SESTD1: variants seen among roughly 807,000 people sequenced by gnomAD.
SESTD1 encodes the protein SEC14 and spectrin domain containing 1.
Under a neutral mutation model 101.7 loss-of-function variants are expected in SESTD1, and 43 were observed. That is an observed-to-expected ratio of 0.42 (90% confidence interval 0.33 to 0.55). The LOEUF is 0.55. Among genes scored for constraint, SESTD1 ranks in the 20% least tolerant of loss-of-function variants. The pLI, the probability that SESTD1 is intolerant of heterozygous loss-of-function variation, is 0.07. For missense variants in SESTD1, 647 were observed against 815.1 expected (o/e 0.79, Z 2.51); for synonymous variants, 283 against 286.8 (o/e 0.99, Z 0.13).
At chr2:179,262,423 G>A (rs906486100) in intron 1 of SESTD1, among the ~76,000 whole-genome samples, 2 of 152,018 alleles carry the variant, frequency 1.3e-5, no homozygotes, top group African/African-American at 4.8e-5. Context: ...GACAAAGTCT[G>A]GCTGTCACCC....
chr2:179,186,658 G>A (rs1269420646), intron 2 of SESTD1, among the ~76,000 whole-genome samples: 1 of 150,318 alleles, frequency 6.7e-6, no homozygotes, highest in African/African-American at 2.4e-5. Flanking sequence ...AACAGGATAA[G>A]TATCAGAAGA....
chr2:179,227,457 A>G (rs560715339), intron 1 of SESTD1, among the ~76,000 whole-genome samples: 1 of 152,328 alleles, frequency 6.6e-6, no homozygotes, highest in African/African-American at 2.4e-5. Context: ...ACAGTCAAAA[A>G]TAAGAGTTTT....
At chr2:179,127,377 T>C (rs1168709039) in intron 10 of SESTD1, among the ~76,000 whole-genome samples, 7 of 152,236 alleles carry the variant, frequency 4.6e-5, no homozygotes, top group Non-Finnish European at 7.3e-5. Context: ...GTAAATTCCA[T>C]ATAGTAAGAC....
rs772909293 is a variant in SESTD1, at chr2:179,116,805, A to G, written c.1525-15T>C. On this transcript the variant is annotated splice_polypyrimidine_tract_variant and intron_variant, in intron 14 of 17. Coordinates refer to ENST00000428443, the MANE Select transcript of SESTD1 (RefSeq NM_178123.5). ...CATTCTACTGCCTAAACAAAAAGACATAACAATGAAGCTGGATTCAGAACT... is the reference window on the plus strand; with the variant it reads ...CATTCTACTGCCTAAACAAAAAGACGTAACAATGAAGCTGGATTCAGAACT... The G allele has an allele frequency of 1.4e-5, 23 of 1,610,388 alleles. No homozygotes were observed. The highest frequency in any genetic ancestry group is 3.3e-5 in the South Asian group (3 of 90,880).
At chr2:179,198,409 C>T (rs888650847) in intron 1 of SESTD1, among the ~76,000 whole-genome samples, 2 of 152,194 alleles carry the variant, frequency 1.3e-5, no homozygotes, top group East Asian at 1.9e-4. Flanking sequence ...CACAGAAAGC[C>T]AACAAGGATA....
At chr2:179,241,011 GCAAA>G (rs1290473884) in intron 1 of SESTD1, among the ~76,000 whole-genome samples, 1 of 151,944 alleles carries the variant, frequency 6.6e-6, no homozygotes, top group East Asian at 1.9e-4. Flanking sequence ...GACAATCTTG[GCAAA>G]CAAACAGAAA....
intron 10 of SESTD1, among the ~76,000 whole-genome samples, chr2:179,129,565 T>C (rs1366741483): frequency 6.6e-6 from 1 of 152,200 alleles, no homozygotes; most frequent in African/African-American, 2.4e-5. Context: ...ATTTAATATA[T>C]GACATAAAAT....
rs183816435 is a variant in SESTD1, at chr2:179,182,997, A to G, written c.164+83T>C. 1.2e-4 allele frequency: 104 copies of G among 904,344 alleles called. No individual in the cohort carries two copies. In the African/African-American group the frequency reaches 1.6e-3, roughly 14 times the overall value. The allele number at this position is 904,344 out of a possible 1,614,324, so 56.0% of individuals were successfully genotyped here. A position where few individuals can be genotyped will look rare whatever the true frequency, so the allele number is the denominator to read the frequency against. On this transcript the variant is annotated intron_variant, in intron 3 of 17. Transcript: ENST00000428443. ...GCGAATAAAAGCAGATAAGATAGCA[A>G]AGTATAATTCAACAATAGAAAGAAT...
At chr2:179,122,962 A>T (rs187100545) in intron 12 of SESTD1, among the ~76,000 whole-genome samples, 1 of 152,170 alleles carries the variant, frequency 6.6e-6, no homozygotes, top group African/African-American at 2.4e-5. Context: ...TTTCAAACCA[A>T]TTCCCTAAGG....
intron 2 of SESTD1, among the ~76,000 whole-genome samples, chr2:179,189,288 T>C (rs1022276162): frequency 2.0e-5 from 3 of 152,178 alleles, no homozygotes; most frequent in African/African-American, 7.2e-5. Context: ...AATCAATAAA[T>C]GTGAGTCACC....
At chr2:179,137,618 A>G (rs571326541) in intron 9 of SESTD1, among the ~76,000 whole-genome samples, 47 of 152,334 alleles carry the variant, frequency 3.1e-4, no homozygotes, top group Admixed American at 2.0e-3. Flanking sequence ...TGTGAAATCT[A>G]ATTTTTAACT....
chr2:179,209,972 C>T (rs1189123359), intron 1 of SESTD1, among the ~76,000 whole-genome samples: 3 of 132,578 alleles, frequency 2.3e-5, no homozygotes, highest in Non-Finnish European at 4.8e-5. Flanking sequence ...AAATTAACCA[C>T]GAAAAGTAGA....
At chr2:179,223,305 G>C (rs979716731) in intron 1 of SESTD1, among the ~76,000 whole-genome samples, 1 of 152,100 alleles carries the variant, frequency 6.6e-6, no homozygotes, top group African/African-American at 2.4e-5. Flanking sequence ...ACTGGTAATA[G>C]ACACTAAGTT....
At chr2:179,258,811 G>T (rs1397145107) in intron 1 of SESTD1, among the ~76,000 whole-genome samples, 1 of 152,156 alleles carries the variant, frequency 6.6e-6, no homozygotes, top group Non-Finnish European at 1.5e-5. Flanking sequence ...TTTAGATAAG[G>T]TGATTATGGG....
intron 1 of SESTD1, among the ~76,000 whole-genome samples, chr2:179,197,273 C>G (rs1431457758): frequency 6.6e-6 from 1 of 151,638 alleles, no homozygotes; most frequent in Non-Finnish European, 1.5e-5. Context: ...AAAATAAAAA[C>G]AAATGAGCAA....
intron 5 of SESTD1, among the ~76,000 whole-genome samples, chr2:179,168,591 C>CA (rs909074870): frequency 2.0e-5 from 3 of 150,848 alleles, no homozygotes; most frequent in African/African-American, 4.9e-5. Context: ...TTTAGGCAAA[C>CA]AAAAAATGAG....
In SESTD1 at chr2:179,143,809, CA is replaced by C. The variant is rs752127356; in HGVS notation, c.638-7del. 15 of 1,610,186 alleles carry C rather than the reference CA, an allele frequency of 9.3e-6. No homozygotes were observed. Among genetic ancestry groups the C allele is most frequent in the Admixed American group, 1.7e-5 (1 of 59,288 alleles). On this transcript the variant is annotated splice_region_variant and splice_polypyrimidine_tract_variant and intron_variant, in intron 8 of 17. Coordinates refer to ENST00000428443, the MANE Select transcript of SESTD1 (RefSeq NM_178123.5). ...TTCGGACAACAATTCATGCCCTTTACAAATAAAAGATACTTGAAATTAATAT... is the reference window on the plus strand; with the variant it reads ...TTCGGACAACAATTCATGCCCTTTACAATAAAAGATACTTGAAATTAATAT...
At chr2:179,162,210 C>T (rs1213286202) in intron 5 of SESTD1, among the ~76,000 whole-genome samples, 2 of 151,274 alleles carry the variant, frequency 1.3e-5, no homozygotes, top group African/African-American at 4.9e-5. Flanking sequence ...AACTAGTCAA[C>T]TAATATCTGA....
chr2:179,182,377 G>A (rs1033885886), intron 3 of SESTD1, among the ~76,000 whole-genome samples: 2 of 152,164 alleles, frequency 1.3e-5, no homozygotes, highest in African/African-American at 2.4e-5. Flanking sequence ...TAAAAATTCT[G>A]ATAAGCAGGC....
Sources: gnomAD v4.1 joint callset for allele counts (sites outside exome capture counted in the v4.1 genomes callset) on GRCh38, gnomAD v4.1.1 for gene constraint, MANE v1.5 for transcripts, NCBI Gene and HGNC (gene_info 2026-07-23, HGNC 2026-07-21) for gene names.